ATP5F1A: variants seen among roughly 807,000 people sequenced by gnomAD.
ATP5F1A encodes ATP synthase F(1) complex subunit alpha, mitochondrial.
ATP5F1A carries 24 observed loss-of-function variants against 57.4 expected under a neutral mutation model. The ratio of observed to expected loss-of-function variants is 0.42; its 90% confidence interval spans 0.30 to 0.59. The LOEUF is 0.59. Among genes scored for constraint, ATP5F1A ranks in the 20% least tolerant of loss-of-function variants. The pLI is 0.19. For missense variants in ATP5F1A, 494 were observed against 707.9 expected (o/e 0.70, Z 3.43); for synonymous variants, 251 against 255.5 (o/e 0.98, Z 0.17).
At chr18:46,098,348 T>C (rs1351952209), upstream of ATP5F1A, 2 of 1,359,356 alleles carry the variant, frequency 1.5e-6, no homozygotes, top group Non-Finnish European at 9.6e-7. Context: ...CCGGAAGTAC[T>C]GCCCCTCGCG....
At chr18:46,089,778 T>G in intron 4 of ATP5F1A, 45 bp downstream of exon 4, 1 of 1,610,864 alleles carries the variant, frequency 6.2e-7, no homozygotes. Context: ...TCAGTTTTGA[T>G]GTTTGTTAGA....
upstream of ATP5F1A, among the ~76,000 whole-genome samples, chr18:46,102,520 T>C (rs1315939123): frequency 6.6e-6 from 1 of 151,994 alleles, no homozygotes; most frequent in African/African-American, 2.4e-5. Context: ...GATGGGGTTT[T>C]GCCATGTTGG....
chr18:46,092,180 A>AAATAATAATAATAATAAT (rs55752579), intron 2 of ATP5F1A: 2 of 107,984 alleles, frequency 1.9e-5, no homozygotes, highest in Non-Finnish European at 4.4e-5. Flanking sequence ...CTCCATCTCA[A>AAATAATAATAATAATAAT]AATAATAATA....
At chr18:46,099,808 G>C (rs983993069), upstream of ATP5F1A, among the ~76,000 whole-genome samples, 14 of 152,120 alleles carry the variant, frequency 9.2e-5, no homozygotes, top group African/African-American at 3.4e-4. Flanking sequence ...ATTTTGGTGA[G>C]GCAAATAAAT....
rs1568241536 is a variant in ATP5F1A, at chr18:46,083,121, CAG to C, written c.*1159_*1160del. On this transcript the variant is annotated 3_prime_UTR_variant, in exon 12 of 12. Transcript: ENST00000398752. ...AGCAAAGGCTATGAAAAGCTAGTAA[CAG>C]AGGAAATAAAGTAGCTGTGAAAATA... is the stretch of plus-strand genomic sequence containing the variant. 6.6e-6 allele frequency: 1 copy of C among 151,870 alleles called. No individual in the cohort carries two copies. The highest frequency in any genetic ancestry group is 2.4e-5 in the African/African-American group (1 of 41,324). The allele number at this position is 151,870 out of a possible 1,614,324, so 9.4% of individuals were successfully genotyped here. A position where few individuals can be genotyped will look rare whatever the true frequency, so the allele number is the denominator to read the frequency against.
chr18:46,087,522 A>G (rs762741610), intron 6 of ATP5F1A, 30 bp from the exon 7 acceptor site: 2 of 1,603,592 alleles, frequency 1.2e-6, no homozygotes, highest in African/African-American at 1.3e-5. Context: ...AATTTTATCA[A>G]TATTGTGGTT....
intron 3 of ATP5F1A, among the ~76,000 whole-genome samples, chr18:46,090,256 A>G (rs1910463893): frequency 6.6e-6 from 1 of 152,252 alleles, no homozygotes; most frequent in South Asian, 2.1e-4. Flanking sequence ...TAACTATTAC[A>G]GAAGCAAAGA....
chr18:46,098,563 T>C (rs577713316), upstream of ATP5F1A, among the ~76,000 whole-genome samples: 82 of 152,238 alleles, frequency 5.4e-4, no homozygotes, highest in African/African-American at 1.9e-3. Flanking sequence ...TAGCTGAATC[T>C]GCTAAGCAGC....
chr18:46,098,344 G>T, upstream of ATP5F1A: 1 of 1,370,782 alleles, frequency 7.3e-7, no homozygotes, highest in South Asian at 1.6e-5. Context: ...TGACCCGGAA[G>T]TACTGCCCCT....
At chr18:46,098,100 C>T in intron 1 of ATP5F1A, 72 bp downstream of exon 1, 2 of 1,520,732 alleles carry the variant, frequency 1.3e-6, no homozygotes, top group East Asian at 2.4e-5. Context: ...CTGCAGAGAG[C>T]GCCCGAGCCG....
upstream of ATP5F1A, among the ~76,000 whole-genome samples, chr18:46,098,894 A>G (rs752176514): frequency 2.6e-5 from 4 of 152,246 alleles, no homozygotes; most frequent in African/African-American, 4.8e-5. Context: ...TTTTAGATTC[A>G]TTCTAAAAGA....
chr18:46,081,682 A>AAAAAAAAAAAAAAAAAAAAAAAAC lies in ATP5F1A; in HGVS notation c.*2599_*2600insGTTTTTTTTTTTTTTTTTTTTTTT, dbSNP rs1909754973. 9.8e-6 allele frequency: 1 copy of AAAAAAAAAAAAAAAAAAAAAAAAC among 102,326 alleles called. No individual in the cohort carries two copies. The allele number at this position is 102,326 out of a possible 1,614,324, so 6.3% of individuals were successfully genotyped here. ...TCTCAAAAAAAAAAAACAAAAAAAA[A>AAAAAAAAAAAAAAAAAAAAAAAAC]AAAAAAAAAAAAAAACGAAATGTGC... On this transcript the variant is annotated 3_prime_UTR_variant, in exon 12 of 12. Coordinates refer to ENST00000398752, the MANE Select transcript of ATP5F1A (RefSeq NM_004046.6).
chr18:46,103,913 CA>C (rs5824616), intron 1 of ATP5F1A, among the ~76,000 whole-genome samples: 116 of 138,184 alleles, frequency 8.4e-4, no homozygotes, highest in East Asian at 1.0e-3. Flanking sequence ...GACTCTGTCT[CA>C]AAAAAAAAAA....
At chr18:46,098,376 C>CCCG, upstream of ATP5F1A, 1 of 1,216,900 alleles carries the variant, frequency 8.2e-7, no homozygotes, top group Non-Finnish European at 1.1e-6. Context: ...CCTCTCCCCC[C>CCCG]GCCCCCGCCG....
At position 46,098,233 on chromosome 18, in the gene ATP5F1A, T is replaced by G; in HGVS notation, c.-2A>C. 1 of 1,605,752 alleles carries G rather than the reference T, an allele frequency of 6.2e-7. No individual in the cohort carries two copies. Among genetic ancestry groups the G allele is most frequent in the African/African-American group, 1.3e-5 (1 of 74,992 alleles). Reference sequence around the variant, plus strand: ...CGCAGCAACGCGCACGGACAGCATCTTTGCAGTTACTCCGCAGGCGGTACT... The same window carrying G: ...CGCAGCAACGCGCACGGACAGCATCGTTGCAGTTACTCCGCAGGCGGTACT... On this transcript the variant is annotated 5_prime_UTR_variant, in exon 1 of 12. Coordinates refer to ENST00000398752, the MANE Select transcript of ATP5F1A (RefSeq NM_004046.6).
chr18:46,103,377 G>C (rs1911342843), intron 1 of ATP5F1A, among the ~76,000 whole-genome samples: 1 of 151,778 alleles, frequency 6.6e-6, no homozygotes, highest in African/African-American at 2.4e-5. Context: ...AAGGCGGGCG[G>C]ATCACCTGAA....
chr18:46,098,078 C>G lies in ATP5F1A; in HGVS notation c.60+94G>C, dbSNP rs557907635. 2.7e-6 allele frequency: 4 copies of G among 1,465,862 alleles called. No individual in the cohort carries two copies. The African/African-American group carries it at 5.7e-5, about 21-fold the overall frequency. 90.8% of individuals were successfully genotyped at this position (1,465,862 alleles called of 1,614,324 possible). A position where few individuals can be genotyped will look rare whatever the true frequency, so the allele number is the denominator to read the frequency against. On this transcript the variant is annotated intron_variant, in intron 1 of 11. Coordinates refer to ENST00000398752, the MANE Select transcript of ATP5F1A (RefSeq NM_004046.6). The stretch of plus-strand genomic sequence containing the variant: ...TGCAAGATGGCGGCATTCGCCACAG[C>G]CCCTCGCCCTCCTGCAGAGAGCGCC...
Position 46,098,275 on chromosome 18 carries a change from C to T in ATP5F1A, c.-44G>A. The stretch of plus-strand genomic sequence containing the variant: ...GGCGGTACTTCTGCAGCCGCAGCCT[C>T]CGGACTGACTGGGACAAAATGGCCG... On this transcript the variant is annotated 5_prime_UTR_variant, in exon 1 of 12. Transcript: ENST00000398752. 1 of 1,581,266 alleles carries T rather than the reference C, an allele frequency of 6.3e-7. No homozygotes were observed. Among genetic ancestry groups the T allele is most frequent in the East Asian group, 2.3e-5 (1 of 44,046 alleles).
In ATP5F1A at chr18:46,086,514, G is replaced by C. The variant is rs369105133; in HGVS notation, c.1177-20C>G. ...GAAGATCTATAATGTAAGGAAATAC[G>C]CACGCTAGCAAGCTTAAAGTAAGAA... is the stretch of plus-strand genomic sequence containing the variant. On this transcript the variant is annotated intron_variant, in intron 8 of 11. Coordinates refer to ENST00000398752, the MANE Select transcript of ATP5F1A (RefSeq NM_004046.6). 6.3e-7 allele frequency: 1 copy of C among 1,595,658 alleles called. No individual in the cohort carries two copies. The highest frequency in any genetic ancestry group is 1.1e-5 in the South Asian group (1 of 89,026).
Sources: gnomAD v4.1 joint callset for allele counts (sites outside exome capture counted in the v4.1 genomes callset) on GRCh38, gnomAD v4.1.1 for gene constraint, MANE v1.5 for transcripts, NCBI Gene and HGNC (gene_info 2026-07-23, HGNC 2026-07-21) for gene names.